Variants in GLRX3 observed in about 807,000 individuals in gnomAD.
GLRX3 encodes the protein glutaredoxin-3.
GLRX3 carries 22 observed loss-of-function variants against 49.5 expected under a neutral mutation model. That is an observed-to-expected ratio of 0.44 (90% CI 0.32 to 0.63). GLRX3 has a LOEUF of 0.63. Ranked by LOEUF, GLRX3 falls within the 30% of genes least tolerant of loss-of-function variation. The pLI is 0.05. For synonymous variants in GLRX3, 133 were observed against 140.0 expected, an observed-to-expected ratio of 0.95 and a Z score of 0.35; for missense variants, 385 against 396.3, an observed-to-expected ratio of 0.97 and a Z score of 0.24.
chr10:130,172,753 C>A (rs1295152395), intron 8 of GLRX3, among the ~76,000 whole-genome samples: 1 of 152,174 alleles, frequency 6.6e-6, no homozygotes, highest in East Asian at 1.9e-4. Flanking sequence ...ACCAGCTTGG[C>A]GAACATGGTG....
intron 7 of GLRX3, 148 bp downstream of exon 7, chr10:130,169,638 G>C: frequency 1.6e-6 from 1 of 613,820 alleles, no homozygotes; most frequent in South Asian, 1.9e-5. Context: ...TGCTTACGGA[G>C]ATCAAACAAA....
chr10:130,160,225 G>A (rs1477877062), intron 3 of GLRX3, among the ~76,000 whole-genome samples, 156 bp downstream of exon 3: 1 of 152,178 alleles, frequency 6.6e-6, no homozygotes, highest in African/African-American at 2.4e-5. Flanking sequence ...TTGCACCGAT[G>A]CTGAGAAAGA....
intron 2 of GLRX3, among the ~76,000 whole-genome samples, chr10:130,156,576 C>G (rs1006985408): frequency 6.6e-6 from 1 of 152,082 alleles, no homozygotes; most frequent in Admixed American, 6.5e-5. Context: ...TGAGTCTATA[C>G]GTGTGAGGAT....
At chr10:130,141,445 A>T (rs1862173983) in intron 1 of GLRX3, among the ~76,000 whole-genome samples, 1 of 152,188 alleles carries the variant, frequency 6.6e-6, no homozygotes, top group Admixed American at 6.5e-5. Flanking sequence ...ACACACCGAT[A>T]ACCACCATTC....
chr10:130,157,268 A>G (rs1448326630), intron 2 of GLRX3, among the ~76,000 whole-genome samples: 1 of 148,296 alleles, frequency 6.7e-6, no homozygotes, highest in Non-Finnish European at 1.5e-5. Flanking sequence ...CTGCAGTCTA[A>G]CGGCTGGAGA....
At chr10:130,171,160 G>T (rs1048515935) in intron 7 of GLRX3, among the ~76,000 whole-genome samples, 13 of 151,302 alleles carry the variant, frequency 8.6e-5, no homozygotes. Context: ...AAAATAAAAA[G>T]AAAAATGGGA....
chr10:130,166,462 T>C, intron 4 of GLRX3, 45 bp from the exon 5 acceptor site: 2 of 1,442,004 alleles, frequency 1.4e-6, no homozygotes, highest in Non-Finnish European at 9.7e-7. Flanking sequence ...TGTATGTGTT[T>C]TGGGAGAGAG....
At chr10:130,166,774 A>C in intron 5 of GLRX3, 95 bp downstream of exon 5, 2 of 1,010,882 alleles carry the variant, frequency 2.0e-6, no homozygotes, top group Non-Finnish European at 3.0e-6. Flanking sequence ...ATTTCTTATG[A>C]ATCTATATTT....
chr10:130,154,538 G>C lies in GLRX3; in HGVS notation c.202-5457G>C, dbSNP rs142301721. ...TTTTGAAATTTATATTTGGCTGTTT[G>C]ACAAAGATTCTGATTTTGAAATACT... On this transcript the variant is annotated intron_variant, in intron 2 of 10. Coordinates refer to ENST00000331244, the MANE Select transcript of GLRX3 (RefSeq NM_006541.5). Among the ~76,000 whole-genome samples the C allele has an allele frequency of 1.9e-3, 286 of 151,826 alleles. 1 individual carries two copies. The highest frequency in any genetic ancestry group is 6.5e-3 in the African/African-American group (269 of 41,348).
intron 7 of GLRX3, 118 bp from the exon 8 acceptor site, chr10:130,171,466 T>C: frequency 2.9e-6 from 2 of 697,630 alleles, no homozygotes; most frequent in Admixed American, 2.1e-5. Flanking sequence ...GGGAGCTGAG[T>C]GAAAGTAGTG....
chr10:130,152,233 G>T (rs1321625657), intron 2 of GLRX3, among the ~76,000 whole-genome samples: 2 of 152,098 alleles, frequency 1.3e-5, no homozygotes, highest in African/African-American at 4.8e-5. Flanking sequence ...TGGCCAGGCT[G>T]GTCTCAAACT....
chr10:130,155,360 G>A (rs10829696), intron 2 of GLRX3, among the ~76,000 whole-genome samples: 15,169 of 152,236 alleles, frequency 0.1, 781 homozygotes, highest in Middle Eastern at 0.13. Context: ...CCTGTCATAA[G>A]TCAGTTACTC....
intron 9 of GLRX3, 28 bp from the exon 10 acceptor site, chr10:130,174,969 G>A: frequency 6.4e-7 from 1 of 1,566,766 alleles, no homozygotes; most frequent in Non-Finnish European, 8.8e-7. Context: ...CTGATAGGAT[G>A]GTTTCAGGAT....
intron 1 of GLRX3, among the ~76,000 whole-genome samples, chr10:130,142,689 T>C (rs1862197797): frequency 1.3e-5 from 2 of 152,230 alleles, no homozygotes; most frequent in Non-Finnish European, 2.9e-5. Context: ...TGCTATTCCA[T>C]TGAAGGTACT....
chr10:130,154,564 ATT>A (rs58539610), intron 2 of GLRX3, among the ~76,000 whole-genome samples: 33 of 145,658 alleles, frequency 2.3e-4, no homozygotes, highest in African/African-American at 7.0e-4. Flanking sequence ...TTGAAATACT[ATT>A]TTTTTTTTTT....
chr10:130,148,691 A>C (rs921743663), intron 2 of GLRX3, among the ~76,000 whole-genome samples: 1 of 151,912 alleles, frequency 6.6e-6, no homozygotes, highest in African/African-American at 2.4e-5. Flanking sequence ...TGCTCTTTGG[A>C]ATTGAATGCT....
chr10:130,161,087 G>A, intron 4 of GLRX3, 90 bp downstream of exon 4: 1 of 833,764 alleles, frequency 1.2e-6, no homozygotes, highest in Non-Finnish European at 2.0e-6. Flanking sequence ...TTCCAAGGAT[G>A]CTATACCATA....
At chr10:130,143,896 A>T (rs1043431170) in intron 1 of GLRX3, among the ~76,000 whole-genome samples, 3 of 152,006 alleles carry the variant, frequency 2.0e-5, no homozygotes, top group African/African-American at 7.2e-5. Flanking sequence ...TTGGGGTTTC[A>T]CCACATTAGC....
At chr10:130,175,230 C>T (rs1275509293) in intron 10 of GLRX3, 141 bp downstream of exon 10, 2 of 654,506 alleles carry the variant, frequency 3.1e-6, no homozygotes, top group South Asian at 1.8e-5. Context: ...AGACCAGTAT[C>T]ACCGTTTCTG....
Sources: gnomAD v4.1 joint callset for allele counts (sites outside exome capture counted in the v4.1 genomes callset) on GRCh38, gnomAD v4.1.1 for gene constraint, MANE v1.5 for transcripts, NCBI Gene and HGNC (gene_info 2026-07-23, HGNC 2026-07-21) for gene names.